PCOLCE2: variants seen among roughly 807,000 people sequenced by gnomAD.
PCOLCE2 encodes the protein procollagen C-proteinase enhancer 2.
Under a neutral mutation model 47.0 loss-of-function variants are expected in PCOLCE2, and 42 were observed. The observed-to-expected ratio is 0.89, with a 90% CI of 0.70 to 1.16. The LOEUF (loss-of-function observed/expected upper bound fraction) is 1.16, where lower values mean the gene tolerates loss of function less well. Ranked by LOEUF, PCOLCE2 falls within the 50% of genes most tolerant of loss-of-function variation. The probability of loss-of-function intolerance (pLI) is 0.00; values close to 1 mark genes in which losing one functional copy is unlikely to be tolerated. For missense variants in PCOLCE2, 500 were observed against 526.1 expected (o/e 0.95, Z 0.49); for synonymous variants, 169 against 191.7 (o/e 0.88, Z 0.98).
At chr3:142,874,235 C>G (rs1467449219) in intron 2 of PCOLCE2, among the ~76,000 whole-genome samples, 1 of 152,206 alleles carries the variant, frequency 6.6e-6, no homozygotes, top group African/African-American at 2.4e-5. Flanking sequence ...GCCACCACAC[C>G]CAGCTAATTT....
chr3:142,854,606 G>A (rs904768272), intron 2 of PCOLCE2, among the ~76,000 whole-genome samples: 1 of 151,760 alleles, frequency 6.6e-6, no homozygotes, highest in Non-Finnish European at 1.5e-5. Flanking sequence ...TTTGTTTTTG[G>A]GGATTTCACT....
chr3:142,843,286 C>A, intron 3 of PCOLCE2: 1 of 588,446 alleles, frequency 1.7e-6, no homozygotes, highest in Admixed American at 2.2e-5. Flanking sequence ...GAAGTGGACT[C>A]AGGGCCTCTT....
At chr3:142,818,632 A>G (rs1936978255) in intron 8 of PCOLCE2, among the ~76,000 whole-genome samples, 167 bp from the exon 9 acceptor site, 1 of 152,084 alleles carries the variant, frequency 6.6e-6, no homozygotes, top group African/African-American at 2.4e-5. Flanking sequence ...CTTTTTAGAG[A>G]TGGGGGTCTT....
intron 3 of PCOLCE2, among the ~76,000 whole-genome samples, chr3:142,847,600 G>T (rs1937341134): frequency 6.6e-6 from 1 of 152,150 alleles, no homozygotes; most frequent in Non-Finnish European, 1.5e-5. Flanking sequence ...ACAGTGGCAT[G>T]ATCACGGTCA....
Position 142,842,808 on chromosome 3 carries a change from TGTATCCCTTAGC to T in PCOLCE2, c.573+104_573+115del. ...CTGTGTCCAGGAACCTTCCTCTTCT[TGTATCCCTTAGC>T]TCTCGAATAGCCCCCACAACAGGAG... On this transcript the variant is annotated intron_variant, in intron 4 of 8. Transcript: ENST00000295992. This position sits in a 1 kb window ranked among gnomAD's most constrained non-coding sequence, Gnocchi z 4.1. 1 of 950,358 alleles carries T rather than the reference TGTATCCCTTAGC, an allele frequency of 1.1e-6. No individual in the cohort carries two copies. The highest frequency in any genetic ancestry group is 1.6e-6 in the Non-Finnish European group (1 of 618,812). The allele number at this position is 950,358 out of a possible 1,614,324, so 58.9% of individuals were successfully genotyped here. A position where few individuals can be genotyped will look rare whatever the true frequency, so the allele number is the denominator to read the frequency against.
intron 2 of PCOLCE2, among the ~76,000 whole-genome samples, chr3:142,865,988 G>C (rs1168997725): frequency 6.6e-6 from 1 of 152,216 alleles, no homozygotes; most frequent in South Asian, 2.1e-4. Flanking sequence ...AGAGAGTCCA[G>C]AAATAGACCC....
chr3:142,888,164 T>TA (rs1301164958), intron 1 of PCOLCE2, among the ~76,000 whole-genome samples: 2 of 152,154 alleles, frequency 1.3e-5, no homozygotes, highest in Non-Finnish European at 2.9e-5. Context: ...TTGGTTAATA[T>TA]AAAAAAAGTT....
In PCOLCE2 at chr3:142,886,936, A is replaced by AATGT. The variant is rs1933727106; in HGVS notation, c.192+732_192+733insACAT. Among the ~76,000 whole-genome samples the AATGT allele has an allele frequency of 3.3e-5, 5 of 152,312 alleles. No homozygotes were observed. In the South Asian group the frequency reaches 8.3e-4, roughly 25 times the overall value. On this transcript the variant is annotated intron_variant, in intron 2 of 8. Transcript: ENST00000295992. Reference sequence around the variant, plus strand: ...GACTGAAAGAAGCTCTCAGTGAACCAACGTATTCAATTACTAAACAACTTC... The same window carrying AATGT: ...GACTGAAAGAAGCTCTCAGTGAACCAATGTACGTATTCAATTACTAAACAACTTC...
At chr3:142,862,471 T>G (rs6810386) in intron 2 of PCOLCE2, among the ~76,000 whole-genome samples, 17,749 of 152,214 alleles carry the variant, frequency 0.12, 2,257 homozygotes, top group African/African-American at 0.32. Context: ...AATTCCATTT[T>G]TCCTGTGAGT....
intron 2 of PCOLCE2, among the ~76,000 whole-genome samples, chr3:142,851,450 A>G (rs1392771802): frequency 6.6e-6 from 1 of 152,130 alleles, no homozygotes; most frequent in African/African-American, 2.4e-5. Context: ...AGGACAAGAG[A>G]GTTGAAGACA....
chr3:142,856,934 C>G (rs1286544758), intron 2 of PCOLCE2, among the ~76,000 whole-genome samples: 1 of 149,334 alleles, frequency 6.7e-6, no homozygotes, highest in African/African-American at 2.5e-5. Flanking sequence ...AAAGGGTTTA[C>G]AGCAAAAATT....
intron 2 of PCOLCE2, among the ~76,000 whole-genome samples, chr3:142,849,724 TAA>T (rs1937369147): frequency 1.3e-5 from 2 of 152,120 alleles, no homozygotes; most frequent in South Asian, 4.1e-4. Context: ...TTCCATTCTG[TAA>T]AAACTTACAT....
intron 2 of PCOLCE2, among the ~76,000 whole-genome samples, chr3:142,858,986 G>A (rs1933126171): frequency 1.3e-5 from 2 of 151,998 alleles, no homozygotes; most frequent in South Asian, 2.1e-4. Context: ...TATTCTTAAA[G>A]GTAACAGAGA....
At chr3:142,878,552 C>T (rs116439744) in intron 2 of PCOLCE2, among the ~76,000 whole-genome samples, 7 of 152,150 alleles carry the variant, frequency 4.6e-5, no homozygotes, top group Admixed American at 6.5e-5. Context: ...CATGGGAAAG[C>T]GACAGCACAC....
At chr3:142,860,708 C>T (rs543798628) in intron 2 of PCOLCE2, among the ~76,000 whole-genome samples, 8 of 152,332 alleles carry the variant, frequency 5.3e-5, no homozygotes, top group Non-Finnish European at 1.0e-4. Context: ...ACTCCCGGCC[C>T]ATGCCTTGTT....
In PCOLCE2 at chr3:142,888,818, C is replaced by A; in HGVS notation, c.79G>T (p.Glu27Ter). Residue 27 changes from glutamate to a stop codon, truncating the protein, a stop_gained, in exon 1 of 9, where the codon GAG (glutamate) becomes TAG (stop). Coordinates refer to ENST00000295992, the MANE Select transcript of PCOLCE2 (RefSeq NM_013363.4). LOFTEE classifies it high-confidence loss of function. The stretch of plus-strand genomic sequence containing the variant: ...CCCGGGCAGGGGTCGCGTTACCTCT[C>A]TGGGGACTGCTGCCGCGAGAGCTGG... The part of the protein sequence containing the change: ...ATQLSRQQSP[E>*]RPVFTCGGIL... 6.5e-7 allele frequency: 1 copy of A among 1,535,776 alleles called. No homozygotes were observed.
intron 6 of PCOLCE2, among the ~76,000 whole-genome samples, chr3:142,824,619 CTCTGT>C (rs1937053217): frequency 6.8e-6 from 1 of 146,274 alleles, no homozygotes; most frequent in Non-Finnish European, 1.5e-5. Context: ...CCACCAACTC[CTCTGT>C]TAATTTATTA....
In PCOLCE2 at chr3:142,818,103, A is replaced by C. The variant is rs1175159784; in HGVS notation, c.*232T>G. ...GACACTTTTAGCTTCCTATCACCGC[A>C]CTAAGTCGGCAGGTTTCCAATCAGA... On this transcript the variant is annotated 3_prime_UTR_variant, in exon 9 of 9. Transcript: ENST00000295992. 2 of 411,944 alleles carry C rather than the reference A, an allele frequency of 4.9e-6. No homozygotes were observed. The highest frequency in any genetic ancestry group is 4.0e-5 in the African/African-American group (2 of 49,936). The allele number at this position is 411,944 out of a possible 1,614,324, so 25.5% of individuals were successfully genotyped here.
rs147481828 is a variant in PCOLCE2, at chr3:142,884,492, C to T, written c.192+3177G>A. Among the ~76,000 whole-genome samples the T allele has an allele frequency of 4.0e-3, 602 of 152,330 alleles. 7 individuals carry two copies. Among genetic ancestry groups the T allele is most frequent in the African/African-American group, 0.013 (561 of 41,560 alleles). On this transcript the variant is annotated intron_variant, in intron 2 of 8. Transcript: ENST00000295992. ...TTATAGTCCCCAGAATCAACTCCTA[C>T]AGTAAACTAAGAAACTCTCAACCCC...
Sources: gnomAD v4.1 joint callset for allele counts (sites outside exome capture counted in the v4.1 genomes callset) on GRCh38, gnomAD v4.1.1 for gene constraint, Gnocchi (gnomAD v3.1) non-coding constraint, MANE v1.5 for transcripts, NCBI Gene and HGNC (gene_info 2026-07-23, HGNC 2026-07-21) for gene names.